HCN1: variants seen among roughly 807,000 people sequenced by gnomAD.
HCN1 encodes hyperpolarization activated cyclic nucleotide gated potassium channel 1.
HCN1 carries 13 observed loss-of-function variants against 78.9 expected under a neutral mutation model. The observed-to-expected ratio is 0.16, with a 90% confidence interval of 0.11 to 0.26. HCN1 has a LOEUF of 0.26. Among genes scored for constraint, HCN1 ranks in the 10% least tolerant of loss-of-function variants. The probability of loss-of-function intolerance (pLI) is 1.00; values close to 1 mark genes in which losing one functional copy is unlikely to be tolerated. For synonymous variants in HCN1, 552 were observed against 455.5 expected (o/e 1.21, Z -2.70); for missense variants, 810 against 1,154.3 (o/e 0.70, Z 4.32).
chr5:45,359,479 C>T (rs1172628520), intron 4 of HCN1, among the ~76,000 whole-genome samples: 1 of 151,114 alleles, frequency 6.6e-6, no homozygotes, highest in African/African-American at 2.4e-5. Flanking sequence ...GTGTAGTGCC[C>T]ACAGTAGAGT....
chr5:45,598,035 G>C (rs1000717426), intron 2 of HCN1, among the ~76,000 whole-genome samples: 1 of 152,022 alleles, frequency 6.6e-6, no homozygotes, highest in East Asian at 1.9e-4. Flanking sequence ...AGCTACCAAT[G>C]ACTTTGTTCA....
intron 3 of HCN1, among the ~76,000 whole-genome samples, chr5:45,407,757 G>A (rs1168989701): frequency 6.6e-6 from 1 of 152,040 alleles, no homozygotes; most frequent in Middle Eastern, 3.2e-3. Context: ...TGATCTACCT[G>A]CCTCAGCCTC....
At chr5:45,577,904 C>A (rs897992498) in intron 2 of HCN1, among the ~76,000 whole-genome samples, 1 of 151,934 alleles carries the variant, frequency 6.6e-6, no homozygotes, top group African/African-American at 2.4e-5. Context: ...TTTTCAAAAT[C>A]GCATTAACCA....
chr5:45,470,464 G>T (rs1214114659), intron 2 of HCN1, among the ~76,000 whole-genome samples: 1 of 151,834 alleles, frequency 6.6e-6, no homozygotes, highest in African/African-American at 2.4e-5. Context: ...AGCACCCCAA[G>T]AAACAATTGA....
At chr5:45,395,861 C>G (rs1739677314) in intron 4 of HCN1, among the ~76,000 whole-genome samples, 2 of 151,996 alleles carry the variant, frequency 1.3e-5, no homozygotes, top group South Asian at 4.1e-4. Flanking sequence ...AAAAAAAATC[C>G]AATGAATAAA....
At chr5:45,643,329 T>C (rs887784012) in intron 2 of HCN1, 3 of 152,090 alleles carry the variant, frequency 2.0e-5, no homozygotes, top group African/African-American at 7.2e-5. Context: ...AATAGTCACA[T>C]TGCTACTGTA....
intron 7 of HCN1, among the ~76,000 whole-genome samples, chr5:45,264,859 T>A (rs1744825198): frequency 6.6e-6 from 1 of 152,186 alleles, no homozygotes; most frequent in South Asian, 2.1e-4. Flanking sequence ...GCATTGCCTG[T>A]ATTGATTACG....
At chr5:45,666,921 G>T (rs1746061759) in intron 1 of HCN1, among the ~76,000 whole-genome samples, 2 of 151,918 alleles carry the variant, frequency 1.3e-5, no homozygotes, top group African/African-American at 4.8e-5. Flanking sequence ...AAAAAATCAG[G>T]GGGGTGGGAA....
At chr5:45,294,815 T>A (rs1745455412) in intron 6 of HCN1, among the ~76,000 whole-genome samples, 1 of 152,032 alleles carries the variant, frequency 6.6e-6, no homozygotes, top group African/African-American at 2.4e-5. Flanking sequence ...TGAAGTGATA[T>A]ATTGGAGAAT....
intron 1 of HCN1, among the ~76,000 whole-genome samples, chr5:45,663,047 C>A (rs1299395817): frequency 6.7e-6 from 1 of 148,852 alleles, no homozygotes; most frequent in African/African-American, 2.5e-5. Flanking sequence ...CACTACCTGA[C>A]TTCAAACTAT....
intron 2 of HCN1, among the ~76,000 whole-genome samples, chr5:45,537,427 T>C (rs1742988046): frequency 6.6e-6 from 1 of 150,466 alleles, no homozygotes. Flanking sequence ...TACCTCTGTT[T>C]GAAAACATTT....
chr5:45,293,873 G>T (rs771304904), intron 6 of HCN1, among the ~76,000 whole-genome samples: 7 of 151,802 alleles, frequency 4.6e-5, no homozygotes, highest in Non-Finnish European at 8.8e-5. Context: ...GACAAGAAAA[G>T]AAAAGATCTG....
intron 2 of HCN1, among the ~76,000 whole-genome samples, chr5:45,517,033 C>G (rs927593991): frequency 2.6e-5 from 4 of 151,862 alleles, no homozygotes; most frequent in African/African-American, 9.7e-5. Flanking sequence ...AATCATAGGA[C>G]TTTGTGGAAA....
intron 5 of HCN1, among the ~76,000 whole-genome samples, chr5:45,346,447 G>A (rs965772270): frequency 6.6e-6 from 1 of 152,148 alleles, no homozygotes; most frequent in African/African-American, 2.4e-5. Context: ...ACAGAAGATG[G>A]GTGATTTCTG....
chr5:45,311,499 T>C (rs890652799), intron 5 of HCN1, among the ~76,000 whole-genome samples: 1 of 152,182 alleles, frequency 6.6e-6, no homozygotes, highest in Non-Finnish European at 1.5e-5. Context: ...TTTGTTAAAA[T>C]AAGTCATAAG....
intron 3 of HCN1, among the ~76,000 whole-genome samples, chr5:45,432,686 C>T (rs993398500): frequency 3.3e-5 from 5 of 152,004 alleles, no homozygotes; most frequent in African/African-American, 1.2e-4. Context: ...GAGGGCTTTT[C>T]ATATGAAGAG....
intron 4 of HCN1, among the ~76,000 whole-genome samples, chr5:45,371,662 C>A (rs1008177458): frequency 2.5e-4 from 38 of 149,830 alleles, no homozygotes; most frequent in African/African-American, 9.1e-4. Context: ...GAGGCTGAGG[C>A]AGGAGAATCA....
intron 2 of HCN1, among the ~76,000 whole-genome samples, chr5:45,528,409 A>G (rs947522664): frequency 6.6e-6 from 1 of 151,962 alleles, no homozygotes; most frequent in Non-Finnish European, 1.5e-5. Flanking sequence ...CCATTACTAT[A>G]GACCAAATAG....
intron 2 of HCN1, among the ~76,000 whole-genome samples, chr5:45,519,596 T>C (rs1323298660): frequency 6.6e-6 from 1 of 151,912 alleles, no homozygotes; most frequent in African/African-American, 2.4e-5. Context: ...CAAAAAGAAA[T>C]ATATGTAGGG....
Sources: allele counts gnomAD v4.1 joint callset (sites outside exome capture counted in the v4.1 genomes callset), GRCh38; gene constraint gnomAD v4.1.1; transcripts MANE v1.5; gene names NCBI Gene and HGNC (gene_info 2026-07-23, HGNC 2026-07-21).